The following TSC22D1 variants were observed in gnomAD, a reference collection of about 807,000 sequenced individuals.
TSC22D1 encodes the protein TSC22 domain family protein 1.
In TSC22D1, 9 loss-of-function variants were observed where a neutral mutation model predicts 74.2. The ratio of observed to expected loss-of-function variants is 0.12; its 90% CI spans 0.07 to 0.21. TSC22D1 has a LOEUF of 0.21. Ranked by LOEUF, TSC22D1 falls within the 10% of genes least tolerant of loss-of-function variation. The pLI, the probability that TSC22D1 is intolerant of heterozygous loss-of-function variation, is 1.00. For synonymous variants in TSC22D1, 586 were observed against 492.5 expected (o/e 1.19, Z -2.51); for missense variants, 1,427 against 1,304.7 (o/e 1.09, Z -1.44).
chr13:44,539,747 A>G, intron 1 of TSC22D1: 3 of 1,258,908 alleles, frequency 2.4e-6, no homozygotes, highest in Non-Finnish European at 3.1e-6. Context: ...TAACCCAAGT[A>G]AATAATGGAA....
intron 1 of TSC22D1, among the ~76,000 whole-genome samples, chr13:44,518,188 A>G (rs1042368888): frequency 1.3e-5 from 2 of 151,792 alleles, no homozygotes; most frequent in Admixed American, 1.3e-4. Flanking sequence ...TTAAATCTCA[A>G]AGATATGTCA....
At chr13:44,460,621 C>T (rs1373389356) in intron 1 of TSC22D1, among the ~76,000 whole-genome samples, 1 of 152,146 alleles carries the variant, frequency 6.6e-6, no homozygotes, top group African/African-American at 2.4e-5. Flanking sequence ...GCCATCTCTG[C>T]CCTCCTAGAC....
chr13:44,467,964 C>A (rs145584392), intron 1 of TSC22D1, among the ~76,000 whole-genome samples: 48 of 152,016 alleles, frequency 3.2e-4, no homozygotes, highest in African/African-American at 1.1e-3. Context: ...GCATAATTCA[C>A]AATTGCAAAA....
intron 1 of TSC22D1, among the ~76,000 whole-genome samples, chr13:44,469,226 C>T (rs1184693048): frequency 6.6e-6 from 1 of 152,156 alleles, no homozygotes; most frequent in African/African-American, 2.4e-5. Context: ...TATAAGTACC[C>T]ACCGCCTACC....
intron 1 of TSC22D1, chr13:44,537,931 T>C: frequency 1.0e-6 from 1 of 985,260 alleles, no homozygotes; most frequent in Non-Finnish European, 1.2e-6. Flanking sequence ...GTATACCAAA[T>C]TTAACAAACT....
In TSC22D1 at chr13:44,576,103, A is replaced by ACGAGTGCAATTTCCTTCTGCAC; in HGVS notation, c.-51_-30dup. 6.7e-7 allele frequency: 1 copy of ACGAGTGCAATTTCCTTCTGCAC among 1,486,586 alleles called. No homozygotes were observed. The highest frequency in any genetic ancestry group is 8.9e-7 in the Non-Finnish European group (1 of 1,125,122). 92.1% of individuals were successfully genotyped at this position (1,486,586 alleles called of 1,614,324 possible). On this transcript the variant is annotated 5_prime_UTR_variant, in exon 1 of 3. Transcript: ENST00000458659. The stretch of plus-strand genomic sequence containing the variant: ...GTTGGGTACCGGGGGCGCGGAGGAG[A>ACGAGTGCAATTTCCTTCTGCAC]CGAGTGCAATTTCCTTCTGCACCGT...
At chr13:44,522,074 G>A (rs116951625) in intron 1 of TSC22D1, among the ~76,000 whole-genome samples, 2,094 of 152,302 alleles carry the variant, frequency 0.014, 27 homozygotes, top group Non-Finnish European at 0.022. Context: ...TGTAATGTTA[G>A]AGAGTAAAAG....
chr13:44,543,990 G>C (rs890293833), intron 1 of TSC22D1, among the ~76,000 whole-genome samples: 1 of 152,140 alleles, frequency 6.6e-6, no homozygotes, highest in East Asian at 1.9e-4. Context: ...CTACTCGGGA[G>C]GCTGAAGGAG....
intron 1 of TSC22D1, among the ~76,000 whole-genome samples, chr13:44,438,154 AACTTAAC>A: frequency 6.6e-6 from 1 of 152,234 alleles, no homozygotes; most frequent in East Asian, 1.9e-4. Flanking sequence ...CGAGAAAGAA[AACTTAAC>A]CTCTACAATA....
chr13:44,457,311 A>G (rs990868752), intron 1 of TSC22D1, among the ~76,000 whole-genome samples: 1 of 152,218 alleles, frequency 6.6e-6, no homozygotes, highest in African/African-American at 2.4e-5. Flanking sequence ...TAACTTTTCT[A>G]TATAAAAACA....
chr13:44,435,930 G>A (rs1874571559), intron 2 of TSC22D1, 114 bp downstream of exon 2: 1 of 1,117,578 alleles, frequency 8.9e-7, no homozygotes. Flanking sequence ...GCATTTCTAC[G>A]CGCATCAAGA....
At position 44,575,151 on chromosome 13, in the gene TSC22D1, A is replaced by G; in HGVS notation, c.924T>C (p.Thr308=). ...TTGGIGINSV[T]GTSTVNNVNI... ...TAACATTATTTACTGTACTAGTGCC[A>G]GTAACAGAATTTATACCTATTCCAC... Residue 308 remains threonine, a synonymous_variant, in exon 1 of 3, where the codon ACT becomes ACC. Transcript: ENST00000458659. 6.2e-7 allele frequency: 1 copy of G among 1,614,216 alleles called. No homozygotes were observed. Among genetic ancestry groups the G allele is most frequent in the Middle Eastern group, 1.6e-4 (1 of 6,062 alleles).
intron 1 of TSC22D1, among the ~76,000 whole-genome samples, chr13:44,546,831 GA>G (rs1480712469): frequency 6.6e-6 from 1 of 151,680 alleles, no homozygotes; most frequent in East Asian, 1.9e-4. Flanking sequence ...AGGATGCGCT[GA>G]AACAATCGTG....
rs373613322 is a variant in TSC22D1 at position 44,575,662 on chromosome 13, T to C, written c.413A>G (p.Tyr138Cys). ...CGTGTGAGATTCATCCAGATCATCA[T>C]AGCTCTCAGTGTCCTCTGCTATACT... ...NNSIAEDTES[Y>C]DDLDESHTED... The change falls in exon 1 of 3, where the codon TAT (tyrosine) becomes TGT (cysteine). Residue 138 changes from tyrosine (Y) to cysteine (C), a missense_variant. Transcript: ENST00000458659. 1.5e-4 allele frequency: 249 copies of C among 1,614,126 alleles called. No homozygotes were observed. Among genetic ancestry groups the C allele is most frequent in the Non-Finnish European group, 1.9e-4 (230 of 1,180,046 alleles).
intron 1 of TSC22D1, among the ~76,000 whole-genome samples, chr13:44,561,659 A>G (rs1468607972): frequency 6.6e-6 from 1 of 152,098 alleles, no homozygotes; most frequent in Non-Finnish European, 1.5e-5. Context: ...CTGACTCCCA[A>G]TACTCCTTTA....
chr13:44,466,855 A>G (rs1053837467), intron 1 of TSC22D1, among the ~76,000 whole-genome samples: 7 of 151,440 alleles, frequency 4.6e-5, no homozygotes, highest in Non-Finnish European at 7.4e-5. Context: ...GATATAAAAT[A>G]ATAAATTAGC....
At position 44,446,838 on chromosome 13, in the gene TSC22D1, GGAA is replaced by G. The variant is rs368465886; in HGVS notation, c.2913-10746_2913-10744del. 2.9e-3 allele frequency among the ~76,000 whole-genome samples: 373 copies of G among 130,390 alleles called. 4 individuals are homozygous for G. Among genetic ancestry groups the G allele is most frequent in the East Asian group, 0.012 (57 of 4,590 alleles). 85.5% of individuals were successfully genotyped at this position (130,390 alleles called of 152,430 possible). A position where few individuals can be genotyped will look rare whatever the true frequency, so the allele number is the denominator to read the frequency against. ...AAGAGGAGGAGGAAGAAGAGGAGGA[GGAA>G]GAAGAAGAAGAGGAAAAGAAGAAGA... On this transcript the variant is annotated intron_variant, in intron 1 of 2. Transcript: ENST00000458659.
chr13:44,435,862 C>T lies in TSC22D1; in HGVS notation c.2964+182G>A. 4 of 666,440 alleles carry T rather than the reference C, an allele frequency of 6.0e-6. No homozygotes were observed. The South Asian group carries it at 7.0e-5, about 12-fold the overall frequency. 41.3% of individuals were successfully genotyped at this position (666,440 alleles called of 1,614,324 possible). On this transcript the variant is annotated intron_variant, in intron 2 of 2. Coordinates refer to ENST00000458659, the MANE Select transcript of TSC22D1 (RefSeq NM_183422.4). ...CATTTAATACCCGCAGGGCCCCTTT[C>T]TCCCTCCACGGCTGCCGTGGTAGGT... is the stretch of plus-strand genomic sequence containing the variant.
At position 44,576,206 on chromosome 13, in the gene TSC22D1, C is replaced by T; in HGVS notation, c.-132G>A. 1 of 1,323,032 alleles carries T rather than the reference C, an allele frequency of 7.6e-7. No homozygotes were observed. Among genetic ancestry groups the T allele is most frequent in the African/African-American group, 1.5e-5 (1 of 67,474 alleles). The allele number at this position is 1,323,032 out of a possible 1,614,324, so 82.0% of individuals were successfully genotyped here. On this transcript the variant is annotated 5_prime_UTR_variant, in exon 1 of 3. Transcript: ENST00000458659. ...GGCGCGATTCCTCCTTCTCCTCCTC[C>T]TCAGCCAAAGGCGCCGGTCGCTCCT...
Sources: gnomAD v4.1 joint callset for allele counts (sites outside exome capture counted in the v4.1 genomes callset) on GRCh38, gnomAD v4.1.1 for gene constraint, MANE v1.5 for transcripts, NCBI Gene and HGNC (gene_info 2026-07-23, HGNC 2026-07-21) for gene names.